The following BLTP1 variants were observed in gnomAD, a reference collection of about 807,000 sequenced individuals.
BLTP1 encodes bridge-like lipid transfer protein family member 1.
At chr4:122,190,294 C>T in the BLTP1 span, 13 of 549,470 alleles carry the variant, frequency 2.4e-5, no homozygotes, top group Non-Finnish European at 2.8e-5. Flanking sequence ...TGGTATTTCG[C>T]TATATTGCCC....
At chr4:122,270,892 C>CAAA in the BLTP1 span, 1 of 1,299,156 alleles carries the variant, frequency 7.7e-7, no homozygotes, top group South Asian at 1.6e-5. Context: ...TACTGGTTTG[C>CAAA]TTGCTTAAAA....
the BLTP1 span, among the ~76,000 whole-genome samples, chr4:122,260,960 A>G: frequency 6.6e-6 from 1 of 152,146 alleles, no homozygotes; most frequent in Admixed American, 6.5e-5. Context: ...GATGATATCT[A>G]TTTGTGTGTT....
At chr4:122,208,438 ATG>A in the BLTP1 span, 1 of 984,106 alleles carries the variant, frequency 1.0e-6, no homozygotes, top group African/African-American at 1.7e-5. Flanking sequence ...GTAAAGCCAA[ATG>A]AAGATCCTTT....
chr4:122,335,950 G>A, the BLTP1 span: 1 of 337,286 alleles, frequency 3.0e-6, no homozygotes, highest in Admixed American at 4.4e-5. Context: ...ATATAAAGCT[G>A]AAAAACTGGA....
the BLTP1 span, chr4:122,246,458 A>G: frequency 1.5e-5 from 9 of 610,852 alleles, no homozygotes; most frequent in African/African-American, 2.0e-5. Flanking sequence ...TGGAATGTAA[A>G]TAGTTTACTT....
the BLTP1 span, among the ~76,000 whole-genome samples, chr4:122,300,565 T>C: frequency 6.6e-6 from 1 of 152,182 alleles, no homozygotes; most frequent in African/African-American, 2.4e-5. Flanking sequence ...CTAAAAAATA[T>C]TTTTATCATA....
chr4:122,307,544 C>T, the BLTP1 span: 3 of 984,850 alleles, frequency 3.0e-6, no homozygotes, highest in Non-Finnish European at 3.6e-6. Context: ...AAATCAGATC[C>T]TTTTAATGGT....
At chr4:122,241,212 A>G in the BLTP1 span, among the ~76,000 whole-genome samples, 1 of 152,174 alleles carries the variant, frequency 6.6e-6, no homozygotes, top group African/African-American at 2.4e-5. Flanking sequence ...AGGAGGACCT[A>G]GGGGCACTGC....
chr4:122,250,530 G>T, the BLTP1 span: 6 of 1,613,714 alleles, frequency 3.7e-6, no homozygotes, highest in Non-Finnish European at 5.1e-6. Flanking sequence ...GACCGGACAA[G>T]CCCTTCCTCA....
the BLTP1 span, chr4:122,237,273 AT>A: frequency 1.0e-6 from 1 of 985,344 alleles, no homozygotes; most frequent in Non-Finnish European, 1.2e-6. Context: ...CAGCTATAGA[AT>A]TCTCTTTTTA....
chr4:122,270,240 A>C, the BLTP1 span: 3 of 343,290 alleles, frequency 8.7e-6, no homozygotes, highest in African/African-American at 4.4e-5. Context: ...AAATTCTTTA[A>C]GTTAAATGCA....
At chr4:122,272,103 T>G in the BLTP1 span, 1 of 1,563,466 alleles carries the variant, frequency 6.4e-7, no homozygotes, top group Non-Finnish European at 8.7e-7. Flanking sequence ...GTTTGGAATG[T>G]CCTTCCATTT....
chr4:122,360,216 T>C, the BLTP1 span, among the ~76,000 whole-genome samples: 1 of 152,232 alleles, frequency 6.6e-6, no homozygotes, highest in African/African-American at 2.4e-5. Context: ...TATAAAACCA[T>C]GCCTAATATC....
At chr4:122,205,681 A>G in the BLTP1 span, among the ~76,000 whole-genome samples, 2 of 146,968 alleles carry the variant, frequency 1.4e-5, no homozygotes, top group African/African-American at 2.5e-5. Context: ...AGTCTGTGCT[A>G]TAATAATACT....
chr4:122,199,707 G>A, the BLTP1 span, among the ~76,000 whole-genome samples: 1 of 152,128 alleles, frequency 6.6e-6, no homozygotes, highest in African/African-American at 2.4e-5. Context: ...GAAGTTGTTA[G>A]AATATTGTTT....
the BLTP1 span, chr4:122,289,915 A>G: frequency 0.99 from 427,523 of 433,990 alleles, 210,575 homozygotes; most frequent in East Asian, 1. Flanking sequence ...TGTCATAGGA[A>G]AAACTACTGT....
At chr4:122,244,934 G>A in the BLTP1 span, 5 of 1,472,484 alleles carry the variant, frequency 3.4e-6, no homozygotes, top group East Asian at 2.3e-5. Flanking sequence ...TATTCAGATG[G>A]TGCTACGTTT....
At chr4:122,253,318 CCA>C in the BLTP1 span, among the ~76,000 whole-genome samples, 952 of 152,112 alleles carry the variant, frequency 6.3e-3, 8 homozygotes, top group African/African-American at 0.022. Flanking sequence ...AAATAAGGCA[CCA>C]GAGACTAATC....
At chr4:122,164,346 A>G in the BLTP1 span, 1 of 922,116 alleles carries the variant, frequency 1.1e-6, no homozygotes, top group Non-Finnish European at 1.3e-6. Flanking sequence ...TTATGGAAAT[A>G]TTACACGCCA....
Sources: gnomAD v4.1 joint callset for allele counts (sites outside exome capture counted in the v4.1 genomes callset) on GRCh38, gnomAD v4.1.1 for gene constraint, MANE v1.5 for transcripts, NCBI Gene and HGNC (gene_info 2026-07-23, HGNC 2026-07-21) for gene names.